SFTPB: variants seen among roughly 807,000 people sequenced by gnomAD.
SFTPB encodes the protein pulmonary surfactant-associated protein B.
In SFTPB, 32 loss-of-function variants were observed where a neutral mutation model predicts 51.0. That is an observed-to-expected ratio of 0.63 (90% confidence interval 0.47 to 0.84). SFTPB has a LOEUF of 0.84. SFTPB is among the 40% of genes least tolerant of loss of function. SFTPB has a pLI of 0.00. For missense variants in SFTPB, 431 were observed against 491.2 expected, an observed-to-expected ratio of 0.88 and a Z score of 1.16; for synonymous variants, 211 against 208.5, an observed-to-expected ratio of 1.01 and a Z score of -0.10.
rs775515236 is a variant in SFTPB at position 85,667,195 on chromosome 2, C to T, written c.196-18G>A. ...AGGTCATCCTGGGGAGGGAGGGGCC[C>T]CAAGGTGGAGGACACATGAGTGGGG... On this transcript the variant is annotated intron_variant, in intron 2 of 10. Transcript: ENST00000519937. The T allele has an allele frequency of 1.9e-6, 3 of 1,605,672 alleles. No homozygotes were observed. Among genetic ancestry groups the T allele is most frequent in the African/African-American group, 2.7e-5 (2 of 74,832 alleles).
At chr2:85,668,587 C>A, upstream of SFTPB, 1 of 264,802 alleles carries the variant, frequency 3.8e-6, no homozygotes, top group Admixed American at 4.8e-5. Context: ...TACTCTTGAG[C>A]AATGCTCTTG....
intron 10 of SFTPB, among the ~76,000 whole-genome samples, chr2:85,660,288 A>ATT (rs60518418): frequency 0.035 from 2,845 of 80,538 alleles, 431 homozygotes; most frequent in African/African-American, 0.15. Flanking sequence ...CATCTGGCTA[A>ATT]TTTTTTTTTT....
At position 85,667,121 on chromosome 2, in the gene SFTPB, C is replaced by T; in HGVS notation, c.252G>A (p.Lys84=). Residue 84 remains lysine (K), a synonymous_variant, in exon 3 of 11, where the codon AAG becomes AAA. Coordinates refer to ENST00000519937, the MANE Select transcript of SFTPB (RefSeq NM_000542.5). ...GCATCATTACCTGGAAAATGGCCTC[C>T]TTGGCCATCTTGTTAAGGATGTGGA... The part of the protein sequence containing the change: ...DIVHILNKMA[K]EAIFQDTMRK... 5 of 1,613,258 alleles carry T rather than the reference C, an allele frequency of 3.1e-6. No individual in the cohort carries two copies. Among genetic ancestry groups the T allele is most frequent in the Non-Finnish European group, 4.2e-6 (5 of 1,179,198 alleles).
At chr2:85,661,559 C>A in intron 9 of SFTPB, 24 bp from the exon 10 acceptor site, 1 of 1,601,804 alleles carries the variant, frequency 6.2e-7, no homozygotes, top group Non-Finnish European at 8.5e-7. Flanking sequence ...AGCACCAGGG[C>A]TGAGGCCTGG....
intron 4 of SFTPB, 146 bp downstream of exon 4, chr2:85,666,471 T>TTG: frequency 3.2e-6 from 2 of 622,890 alleles, no homozygotes; most frequent in South Asian, 3.6e-5. Flanking sequence ...TGCTGTGTGT[T>TTG]TGTGTCTGGC....
chr2:85,667,061 C>T, intron 3 of SFTPB, 45 bp downstream of exon 3: 2 of 1,509,286 alleles, frequency 1.3e-6, no homozygotes, highest in South Asian at 1.1e-5. Context: ...CTCTGTCCCT[C>T]ATCTCTTGGG....
chr2:85,660,643 CAGGGT>C (rs551114665), intron 10 of SFTPB, among the ~76,000 whole-genome samples: 2 of 151,810 alleles, frequency 1.3e-5, no homozygotes, highest in Non-Finnish European at 2.9e-5. Context: ...TTAGTAGAGA[CAGGGT>C]TTCGCCATGT....
In SFTPB at chr2:85,666,507, G is replaced by GTGT. The variant is rs1235187319; in HGVS notation, c.393+107_393+109dup. The GTGT allele has an allele frequency of 2.7e-6, 3 of 1,097,616 alleles. No individual in the cohort carries two copies. In the East Asian group the frequency reaches 7.8e-5, roughly 28 times the overall value. The allele number at this position is 1,097,616 out of a possible 1,614,324, so 68.0% of individuals were successfully genotyped here. ...CGGCTTGGGTGCTGTGTGTGTGTGTGTGTGTGTGTGTGTGTCTGGCTGGCT... is the reference window on the plus strand; with the variant it reads ...CGGCTTGGGTGCTGTGTGTGTGTGTGTGTTGTGTGTGTGTGTGTCTGGCTGGCT... On this transcript the variant is annotated intron_variant, in intron 4 of 10. Coordinates refer to ENST00000519937, the MANE Select transcript of SFTPB (RefSeq NM_000542.5).
chr2:85,660,651 C>T (rs1045692135), intron 10 of SFTPB, among the ~76,000 whole-genome samples: 9 of 151,956 alleles, frequency 5.9e-5, no homozygotes, highest in African/African-American at 1.9e-4. Flanking sequence ...GACAGGGTTT[C>T]GCCATGTTGG....
intron 10 of SFTPB, chr2:85,661,154 T>A: frequency 3.8e-6 from 1 of 266,212 alleles, no homozygotes; most frequent in South Asian, 3.1e-5. Flanking sequence ...AGAGAGTCCC[T>A]GGGGCAAGCT....
In SFTPB at chr2:85,663,357, C is replaced by T; in HGVS notation, c.991G>A (p.Asp331Asn). Residue 331 changes from aspartate to asparagine, a missense_variant, in exon 8 of 11, where the codon GAC (aspartate) becomes AAC (asparagine). Coordinates refer to ENST00000519937, the MANE Select transcript of SFTPB (RefSeq NM_000542.5). ...MLQACVGSWL[D>N]REKCKQFVEQ... ...TGCCCAGCCCATACCTTTTCCCTGT[C>T]CAGCCAGGAGCCAACACAGGCCTGG... The T allele has an allele frequency of 6.2e-7, 1 of 1,612,496 alleles. No individual in the cohort carries two copies. Among genetic ancestry groups the T allele is most frequent in the African/African-American group, 1.3e-5 (1 of 75,068 alleles).
rs1677657538 is a variant in SFTPB at position 85,666,635 on chromosome 2, G to A, written c.375C>T (p.Asp125=). The stretch of plus-strand genomic sequence containing the variant: ...CCCTCACAGTCTGGTTCTGGAAGTA[G>A]TCGATGACCAGGGGGAAGTAGTCGT... ...VLDDYFPLVI[D]YFQNQTDSNG... The change falls in exon 4 of 11, where the codon GAC becomes GAT. Residue 125 remains aspartate (D), a synonymous_variant. Coordinates refer to ENST00000519937, the MANE Select transcript of SFTPB (RefSeq NM_000542.5). 6.2e-7 allele frequency: 1 copy of A among 1,613,598 alleles called. No individual in the cohort carries two copies. Among genetic ancestry groups the A allele is most frequent in the Non-Finnish European group, 8.5e-7 (1 of 1,179,794 alleles).
rs1677340135 is a variant in SFTPB at position 85,662,169 on chromosome 2, T to C, written c.1003-60A>G. Reference sequence around the variant, plus strand: ...TTTGCAGGACTCTCCTGTCGTGTGGTCCTGGCCTCTCCACATCTCTGGATC... The same window carrying C: ...TTTGCAGGACTCTCCTGTCGTGTGGCCCTGGCCTCTCCACATCTCTGGATC... On this transcript the variant is annotated intron_variant, in intron 8 of 10. Transcript: ENST00000519937. 1.9e-6 allele frequency: 3 copies of C among 1,560,180 alleles called. No individual in the cohort carries two copies. The Admixed American group carries it at 5.9e-5, about 31-fold the overall frequency.
intron 8 of SFTPB, 193 bp from the exon 9 acceptor site, chr2:85,662,302 G>C: frequency 6.9e-7 from 1 of 1,442,846 alleles, no homozygotes; most frequent in Admixed American, 2.4e-5. Context: ...ACTTCCATCA[G>C]AAAAGCAGGC....
intron 10 of SFTPB, among the ~76,000 whole-genome samples, chr2:85,659,926 C>T (rs950750403): frequency 1.3e-5 from 2 of 152,188 alleles, no homozygotes; most frequent in African/African-American, 4.8e-5. Flanking sequence ...AAACTGGTCC[C>T]TGTGGGTCAG....
chr2:85,667,945 C>T, intron 1 of SFTPB, 139 bp from the exon 2 acceptor site: 1 of 1,345,434 alleles, frequency 7.4e-7, no homozygotes, highest in Non-Finnish European at 1.0e-6. Context: ...CTCTGGGTTC[C>T]ACCTGCTCCT....
At chr2:85,662,482 G>C (rs1306159293) in intron 8 of SFTPB, among the ~76,000 whole-genome samples, 2 of 152,172 alleles carry the variant, frequency 1.3e-5, no homozygotes. Context: ...GGAGCACAGT[G>C]TGGACAGCTG....
At chr2:85,668,483 G>A (rs529950611), upstream of SFTPB, among the ~76,000 whole-genome samples, 20 of 152,160 alleles carry the variant, frequency 1.3e-4, no homozygotes, top group South Asian at 6.2e-4. Flanking sequence ...TCTCCAGGCC[G>A]TGGGAGGGAG....
chr2:85,667,921 T>C, intron 1 of SFTPB, 115 bp from the exon 2 acceptor site: 1 of 1,469,692 alleles, frequency 6.8e-7, no homozygotes, highest in Admixed American at 1.9e-5. Context: ...ATTAAACATG[T>C]GGACGTCAGA....
Sources: gnomAD v4.1 joint callset for allele counts (sites outside exome capture counted in the v4.1 genomes callset) on GRCh38, gnomAD v4.1.1 for gene constraint, MANE v1.5 for transcripts, NCBI Gene and HGNC (gene_info 2026-07-23, HGNC 2026-07-21) for gene names.